Variants in NRXN3 observed in about 807,000 individuals in gnomAD.
NRXN3 encodes neurexin 3, also known as neurexin III.
NRXN3 carries 32 observed loss-of-function variants against 137.6 expected under a neutral mutation model. The observed-to-expected ratio is 0.23, with a 90% CI of 0.18 to 0.31. The LOEUF (loss-of-function observed/expected upper bound fraction) is 0.31, where lower values mean the gene tolerates loss of function less well. Ranked by LOEUF, NRXN3 falls within the 10% of genes least tolerant of loss-of-function variation. The pLI is 1.00. For synonymous variants in NRXN3, 798 were observed against 784.5 expected (o/e 1.02, Z -0.29); for missense variants, 1,574 against 2,062.5 (o/e 0.76, Z 4.59).
intron 1 of NRXN3, among the ~76,000 whole-genome samples, chr14:78,185,978 G>A (rs1200331098): frequency 6.6e-6 from 1 of 152,134 alleles, no homozygotes; most frequent in Non-Finnish European, 1.5e-5. Context: ...TGCATGGGGT[G>A]GCTTGTTCAT....
rs541572100 is a variant in NRXN3 at position 78,881,423 on chromosome 14, A to T, written c.2275+71079A>T. Among the ~76,000 whole-genome samples the T allele has an allele frequency of 1.2e-3, 176 of 151,810 alleles. 9 individuals are homozygous for T. The highest frequency in any genetic ancestry group is 3.9e-3 in the African/African-American group (159 of 41,100). ...TTGAATGGCTTTGACCAAAATGCTG[A>T]TACTGACATGGACAATGAAGTCCAA... On this transcript the variant is annotated intron_variant, in intron 10 of 20. Coordinates refer to ENST00000335750, the MANE Select transcript of NRXN3 (RefSeq NM_001330195.2).
intron 15 of NRXN3, among the ~76,000 whole-genome samples, chr14:79,194,498 A>G (rs1472658161): frequency 6.6e-6 from 1 of 152,214 alleles, no homozygotes; most frequent in African/African-American, 2.4e-5. Flanking sequence ...GCTGGAGGGT[A>G]TGTTTGTCTG....
At chr14:79,113,912 G>A (rs73324740) in intron 15 of NRXN3, among the ~76,000 whole-genome samples, 6,476 of 152,184 alleles carry the variant, frequency 0.043, 510 homozygotes, top group African/African-American at 0.15. Flanking sequence ...CATTTCTAAC[G>A]AGTTCCCAGA....
chr14:79,779,945 A>G (rs2099108724), intron 19 of NRXN3, among the ~76,000 whole-genome samples: 1 of 152,064 alleles, frequency 6.6e-6, no homozygotes, highest in Non-Finnish European at 1.5e-5. Flanking sequence ...GCTTACAGCA[A>G]CTTCCGCCTC....
At chr14:79,686,182 G>C (rs1324934484) in intron 17 of NRXN3, among the ~76,000 whole-genome samples, 1 of 151,978 alleles carries the variant, frequency 6.6e-6, no homozygotes, top group Non-Finnish European at 1.5e-5. Context: ...TACTCGGGAG[G>C]CTGAGGCTGC....
chr14:79,265,729 A>G (rs1029044101), intron 15 of NRXN3, among the ~76,000 whole-genome samples: 4 of 152,166 alleles, frequency 2.6e-5, no homozygotes, highest in African/African-American at 9.7e-5. Context: ...ATCAGGCACA[A>G]TGACTCCCTC....
In NRXN3 at chr14:78,967,347, A is replaced by G; in HGVS notation, c.2917A>G (p.Thr973Ala). Reference protein sequence around the residue: ...NSNTHSLKVDTKVVTQVINGA... With the variant: ...NSNTHSLKVDAKVVTQVINGA... ...TAACACTCATAGCCTGAAAGTGGAC[A>G]CCAAAGTGGTCACTCAGGTTATCAA... Residue 973 changes from threonine to alanine, a missense_variant, in exon 13 of 21, where the codon ACC becomes GCC. Physicochemically the swap from Thr to Ala is moderately conservative, Grantham distance 58 (BLOSUM62 0). Around this residue, in one of 5 missense-constraint regions of NRXN3, gnomAD observed 718 missense variants for 887.6 expected, o/e 0.81. Transcript: ENST00000335750. 1.2e-6 allele frequency: 2 copies of G among 1,614,116 alleles called. No individual in the cohort carries two copies. The highest frequency in any genetic ancestry group is 1.7e-6 in the Non-Finnish European group (2 of 1,179,984).
intron 8 of NRXN3, 88 bp downstream of exon 8, chr14:78,715,227 C>T: frequency 6.8e-7 from 1 of 1,467,782 alleles, no homozygotes; most frequent in Non-Finnish European, 9.1e-7. Context: ...GCCTTCGCAC[C>T]TACCTGCACT....
chr14:79,427,014 T>G (rs889085695), intron 15 of NRXN3, among the ~76,000 whole-genome samples: 2 of 152,208 alleles, frequency 1.3e-5, no homozygotes, highest in African/African-American at 4.8e-5. Context: ...GTTTTGGGGT[T>G]GAATATTTTT....
At chr14:79,696,955 A>T (rs1315444093) in intron 18 of NRXN3, among the ~76,000 whole-genome samples, 1 of 151,948 alleles carries the variant, frequency 6.6e-6, no homozygotes, top group East Asian at 1.9e-4. Flanking sequence ...CATCCTCCTA[A>T]AAACAAATTA....
intron 19 of NRXN3, among the ~76,000 whole-genome samples, chr14:79,718,130 A>G (rs990889369): frequency 1.6e-4 from 25 of 152,330 alleles, no homozygotes; most frequent in African/African-American, 6.0e-4. Flanking sequence ...AGAATGCCTG[A>G]TGGGTGGGTA....
At chr14:79,701,551 A>C (rs2098754660) in intron 19 of NRXN3, among the ~76,000 whole-genome samples, 1 of 152,036 alleles carries the variant, frequency 6.6e-6, no homozygotes, top group South Asian at 2.1e-4. Flanking sequence ...TTTCTCCAGC[A>C]AAGCAGATGG....
intron 8 of NRXN3, among the ~76,000 whole-genome samples, chr14:78,717,287 T>A (rs2098438409): frequency 6.6e-6 from 1 of 152,126 alleles, no homozygotes; most frequent in African/African-American, 2.4e-5. Flanking sequence ...ACAGTGAAAG[T>A]CACTGCACCT....
At chr14:79,844,551 A>G (rs2099363028) in intron 20 of NRXN3, among the ~76,000 whole-genome samples, 1 of 152,036 alleles carries the variant, frequency 6.6e-6, no homozygotes, top group Admixed American at 6.6e-5. Context: ...GTATATCTCC[A>G]TCAGAGCTCT....
intron 4 of NRXN3, among the ~76,000 whole-genome samples, chr14:78,520,069 C>T (rs1273462538): frequency 6.6e-6 from 1 of 152,186 alleles, no homozygotes; most frequent in Non-Finnish European, 1.5e-5. Flanking sequence ...GAAACATCCC[C>T]TGTTCAAGCC....
intron 15 of NRXN3, among the ~76,000 whole-genome samples, chr14:78,996,158 ATTTTTCT>A: frequency 6.6e-6 from 1 of 151,710 alleles, no homozygotes; most frequent in African/African-American, 2.4e-5. Context: ...ATTCAGTTTC[ATTTTTCT>A]TTTTTACCTT....
At chr14:78,494,691 T>A (rs1324857110) in intron 4 of NRXN3, among the ~76,000 whole-genome samples, 1 of 152,194 alleles carries the variant, frequency 6.6e-6, no homozygotes, top group Non-Finnish European at 1.5e-5. Context: ...CTGATTCAGA[T>A]AGAGATATCT....
At chr14:79,067,354 G>A (rs760733055) in intron 15 of NRXN3, among the ~76,000 whole-genome samples, 72 of 152,216 alleles carry the variant, frequency 4.7e-4, no homozygotes, top group Non-Finnish European at 7.9e-4. Flanking sequence ...ATGTGCTGCC[G>A]AATTCAGTTT....
chr14:78,323,234 G>A (rs2079616624), intron 4 of NRXN3, among the ~76,000 whole-genome samples: 1 of 152,026 alleles, frequency 6.6e-6, no homozygotes, highest in African/African-American at 2.4e-5. Context: ...GGGGGATGAG[G>A]TACCGTGGTA....
Sources: allele counts gnomAD v4.1 joint callset (sites outside exome capture counted in the v4.1 genomes callset), GRCh38; gene constraint gnomAD v4.1.1; regional missense constraint gnomAD v4.1.1; transcripts MANE v1.5; gene names NCBI Gene and HGNC (gene_info 2026-07-23, HGNC 2026-07-21).